GRIK4: variants seen among roughly 807,000 people sequenced by gnomAD.
GRIK4 encodes the protein glutamate receptor ionotropic, kainate 4.
A neutral mutation model predicts 104.9 loss-of-function variants in GRIK4; 40 were observed. That is an observed-to-expected ratio of 0.38 (90% confidence interval 0.30 to 0.50). The LOEUF (loss-of-function observed/expected upper bound fraction) is 0.50, where lower values mean the gene tolerates loss of function less well. GRIK4 is among the 20% of genes least tolerant of loss of function. The pLI is 0.93. For synonymous variants in GRIK4, 485 were observed against 524.9 expected (o/e 0.92, Z 1.04); for missense variants, 1,047 against 1,308.1 (o/e 0.80, Z 3.08).
At position 120,815,129 on chromosome 11, in the gene GRIK4, G is replaced by A. The variant is rs147292297; in HGVS notation, c.248-249G>A. Among the ~76,000 whole-genome samples the A allele has an allele frequency of 5.2e-3, 792 of 152,366 alleles. 6 individuals carry two copies. The highest frequency in any genetic ancestry group is 0.017 in the African/African-American group (706 of 41,582). On this transcript the variant is annotated intron_variant, in intron 4 of 20. Transcript: ENST00000527524. ...TTTATACACCCTGTTGGCTATGGCC[G>A]TATGTTGTCATAACCTGGGTCATTT...
In GRIK4 at chr11:120,967,612, A is replaced by G. The variant is rs1414752755; in HGVS notation, c.2395+289A>G. On this transcript the variant is annotated intron_variant, in intron 19 of 20. Coordinates refer to ENST00000527524, the MANE Select transcript of GRIK4 (RefSeq NM_014619.5). This position sits in a 1 kb window ranked among gnomAD's most constrained non-coding sequence, Gnocchi z 4.2. ...AGCACCATGGCTTCTACCCTGGCCC[A>G]TCATCTCCACACCTGTGCAGTCACA... Among the ~76,000 whole-genome samples, 1 of 152,142 alleles carries G rather than the reference A, an allele frequency of 6.6e-6. No homozygotes were observed. The highest frequency in any genetic ancestry group is 1.5e-5 in the Non-Finnish European group (1 of 68,016).
chr11:120,892,001 G>A (rs1309528890), intron 11 of GRIK4, among the ~76,000 whole-genome samples: 1 of 152,170 alleles, frequency 6.6e-6, no homozygotes, highest in Non-Finnish European at 1.5e-5. Flanking sequence ...GCGAGGCTAC[G>A]TTCCAATAAA....
chr11:120,980,338 G>A (rs1944631202), intron 19 of GRIK4, among the ~76,000 whole-genome samples: 1 of 152,176 alleles, frequency 6.6e-6, no homozygotes, highest in Non-Finnish European at 1.5e-5. Flanking sequence ...CATCCGTGTT[G>A]CACAGATACA....
In GRIK4 at chr11:120,861,991, G is replaced by A. The variant is rs1244649999; in HGVS notation, c.777G>A (p.Val259=). 7.4e-6 allele frequency: 12 copies of A among 1,613,706 alleles called. No homozygotes were observed. Among genetic ancestry groups the A allele is most frequent in the Non-Finnish European group, 8.5e-6 (10 of 1,179,706 alleles). ...EFSLQRMDSL[V]DDRVNILGFS... ...CACTCCAGAGAATGGACAGCCTTGTGGATGATCGTGTCAACATCCTGGGAT... is the reference window on the plus strand; with the variant it reads ...CACTCCAGAGAATGGACAGCCTTGTAGATGATCGTGTCAACATCCTGGGAT... The change falls in exon 9 of 21, where the codon GTG becomes GTA. Residue 259 remains valine, a synonymous_variant. Coordinates refer to ENST00000527524, the MANE Select transcript of GRIK4 (RefSeq NM_014619.5).
chr11:120,863,600 T>C (rs1482510082), intron 9 of GRIK4, among the ~76,000 whole-genome samples: 2 of 152,194 alleles, frequency 1.3e-5, no homozygotes, highest in Non-Finnish European at 2.9e-5. Context: ...AAGCATTAGG[T>C]CTAGGAGATG....
At chr11:120,523,521 C>T (rs140904950) in intron 1 of GRIK4, among the ~76,000 whole-genome samples, 151 of 152,292 alleles carry the variant, frequency 9.9e-4, no homozygotes, top group African/African-American at 3.4e-3. Context: ...CTACTTCTCT[C>T]GCTGCTTCTC....
At chr11:120,571,545 C>A (rs1948399571) in intron 1 of GRIK4, among the ~76,000 whole-genome samples, 1 of 152,116 alleles carries the variant, frequency 6.6e-6, no homozygotes, top group African/African-American at 2.4e-5. Flanking sequence ...TGACTCAAAC[C>A]CAGGTCTGCT....
intron 15 of GRIK4, among the ~76,000 whole-genome samples, chr11:120,955,411 C>T (rs114982297): frequency 0.011 from 1,741 of 152,296 alleles, 37 homozygotes; most frequent in African/African-American, 0.04. Context: ...CACATCAGGC[C>T]GAGTGCAGGA....
chr11:120,779,884 G>A (rs1202561940), intron 3 of GRIK4, among the ~76,000 whole-genome samples: 1 of 152,218 alleles, frequency 6.6e-6, no homozygotes, highest in South Asian at 2.1e-4. Flanking sequence ...CAGAGCGTTG[G>A]TAGAGCAGGA....
intron 9 of GRIK4, chr11:120,868,474 A>G (rs1954487476): frequency 6.8e-6 from 1 of 147,312 alleles, no homozygotes; most frequent in African/African-American, 2.5e-5. Flanking sequence ...AGTAGAGGCC[A>G]TGGAAAGACA....
intron 3 of GRIK4, among the ~76,000 whole-genome samples, chr11:120,763,103 T>C (rs1951777248): frequency 6.6e-6 from 1 of 152,224 alleles, no homozygotes; most frequent in African/African-American, 2.4e-5. Context: ...AGGCTATTAA[T>C]TACTGCCTCA....
intron 5 of GRIK4, among the ~76,000 whole-genome samples, chr11:120,817,284 A>G (rs562814690): frequency 1.3e-5 from 2 of 152,300 alleles, no homozygotes; most frequent in Admixed American, 6.5e-5. Flanking sequence ...ATTTCAGGCC[A>G]GAAGCCAAGC....
chr11:120,806,271 T>C (rs1428137593), intron 4 of GRIK4, among the ~76,000 whole-genome samples: 2 of 152,226 alleles, frequency 1.3e-5, no homozygotes, highest in African/African-American at 4.8e-5. Context: ...TCTCCAGGGC[T>C]GTTCTCGAGT....
intron 1 of GRIK4, among the ~76,000 whole-genome samples, chr11:120,593,789 A>G (rs1268598017): frequency 6.6e-6 from 1 of 151,972 alleles, no homozygotes; most frequent in Admixed American, 6.6e-5. Context: ...CCTCTTCCCA[A>G]ATCTGTTTCT....
At chr11:120,709,493 G>A (rs931623886) in intron 3 of GRIK4, among the ~76,000 whole-genome samples, 2 of 152,074 alleles carry the variant, frequency 1.3e-5, no homozygotes, top group African/African-American at 4.8e-5. Context: ...CTGCAGTTTT[G>A]GAGTTACTTC....
At chr11:120,554,274 C>T (rs1948166948) in intron 1 of GRIK4, among the ~76,000 whole-genome samples, 3 of 152,238 alleles carry the variant, frequency 2.0e-5, no homozygotes, top group Admixed American at 6.5e-5. Flanking sequence ...GGTTTATGTT[C>T]TAAAACCGCT....
intron 1 of GRIK4, among the ~76,000 whole-genome samples, chr11:120,601,344 T>C (rs977012713): frequency 6.6e-6 from 1 of 151,824 alleles, no homozygotes; most frequent in African/African-American, 2.4e-5. Context: ...AGGTGGCGGT[T>C]GCAGTGAGCC....
chr11:120,526,155 G>A (rs1947853522), intron 1 of GRIK4, among the ~76,000 whole-genome samples: 1 of 152,140 alleles, frequency 6.6e-6, no homozygotes, highest in Non-Finnish European at 1.5e-5. Context: ...CGTGATCTGA[G>A]AGCTAGTTCT....
At chr11:120,516,977 G>C (rs1429840196) in intron 1 of GRIK4, among the ~76,000 whole-genome samples, 1 of 128,772 alleles carries the variant, frequency 7.8e-6, no homozygotes, top group East Asian at 2.1e-4. Flanking sequence ...GGCCTGGGGC[G>C]CGTGCTGCCG....
Sources: gnomAD v4.1 joint callset for allele counts (sites outside exome capture counted in the v4.1 genomes callset) on GRCh38, gnomAD v4.1.1 for gene constraint, Gnocchi (gnomAD v3.1) non-coding constraint, MANE v1.5 for transcripts, NCBI Gene and HGNC (gene_info 2026-07-23, HGNC 2026-07-21) for gene names.